AP1G1: variants seen among roughly 807,000 people sequenced by gnomAD.
The protein encoded by AP1G1 is AP-1 complex subunit gamma-1.
In AP1G1, 7 loss-of-function variants were observed where a neutral mutation model predicts 108.3. The ratio of observed to expected loss-of-function variants is 0.06; its 90% CI spans 0.04 to 0.12. The LOEUF (loss-of-function observed/expected upper bound fraction) is 0.12. Ranked by LOEUF, AP1G1 falls within the 10% of genes least tolerant of loss-of-function variation. The probability of loss-of-function intolerance (pLI) is 1.00; values close to 1 mark genes in which losing one functional copy is unlikely to be tolerated. For missense variants in AP1G1, 756 were observed against 1,010.7 expected (o/e 0.75, Z 3.42); for synonymous variants, 379 against 353.5 (o/e 1.07, Z -0.81).
chr16:71,800,691 C>T (rs2032764276), intron 1 of AP1G1, among the ~76,000 whole-genome samples: 2 of 152,016 alleles, frequency 1.3e-5, no homozygotes, highest in African/African-American at 2.4e-5. Flanking sequence ...GTCCCAGCTA[C>T]TCGGGAGGCT....
intron 17 of AP1G1, 54 bp from the exon 18 acceptor site, chr16:71,745,668 C>T: frequency 6.8e-7 from 1 of 1,462,878 alleles, no homozygotes; most frequent in South Asian, 1.1e-5. Context: ...ATTCCCTACC[C>T]AAAATAATCA....
rs530311104 is a variant in AP1G1 at position 71,732,970 on chromosome 16, A to G, written c.*88T>C. The G allele has an allele frequency of 9.9e-7, 1 of 1,010,036 alleles. No individual in the cohort carries two copies. Among genetic ancestry groups the G allele is most frequent in the Admixed American group, 2.1e-5 (1 of 47,034 alleles). The allele number at this position is 1,010,036 out of a possible 1,614,324, so 62.6% of individuals were successfully genotyped here. A position where few individuals can be genotyped will look rare whatever the true frequency, so the allele number is the denominator to read the frequency against. On this transcript the variant is annotated 3_prime_UTR_variant, in exon 23 of 23. Transcript: ENST00000299980. ...CTTCAGCTCCTCATGCCCGTGGTACAGTTGGGGGGGACTTGCCAGCAATCA... is the reference window on the plus strand; with the variant it reads ...CTTCAGCTCCTCATGCCCGTGGTACGGTTGGGGGGGACTTGCCAGCAATCA...
chr16:71,750,477 C>T (rs564011332), intron 13 of AP1G1, 145 bp from the exon 14 acceptor site: 71 of 925,882 alleles, frequency 7.7e-5, no homozygotes, highest in Non-Finnish European at 1.0e-4. Context: ...TGCGATAGCG[C>T]GATCTTGGCT....
intron 6 of AP1G1, among the ~76,000 whole-genome samples, chr16:71,768,500 C>CAAAAAAAAAAAAAAAA (rs527404594): frequency 4.8e-5 from 4 of 83,714 alleles, no homozygotes; most frequent in Admixed American, 1.8e-4. Context: ...GACTCCGCCA[C>CAAAAAAAAAAAAAAAA]AAAAAAAAAA....
rs2030125385 is a variant in AP1G1 at position 71,745,490 on chromosome 16, G to A, written c.1855C>T (p.Pro619Ser). The A allele has an allele frequency of 6.2e-7, 1 of 1,614,070 alleles. No homozygotes were observed. The highest frequency in any genetic ancestry group is 1.3e-5 in the African/African-American group (1 of 74,922). ...PLETKPPPSG[P>S]QPTSQANDLL... ...CTGGCTACCTGGCTGGTGGGCTGTGGCCCAGAGGGTGGCGGTTTGGTCTCT... is the reference window on the plus strand; with the variant it reads ...CTGGCTACCTGGCTGGTGGGCTGTGACCCAGAGGGTGGCGGTTTGGTCTCT... Residue 619 changes from proline to serine, a missense_variant, in exon 18 of 23, where the codon CCA becomes TCA. Pro to Ser is a moderately conservative substitution (Grantham distance 74). Transcript: ENST00000299980.
At chr16:71,758,684 T>A in intron 11 of AP1G1, 124 bp downstream of exon 11, 1 of 635,220 alleles carries the variant, frequency 1.6e-6, no homozygotes, top group Non-Finnish European at 2.8e-6. Context: ...AATGACTAAA[T>A]ACATAAATGT....
chr16:71,764,866 C>G (rs982017318), intron 7 of AP1G1, 140 bp from the exon 8 acceptor site: 2 of 606,650 alleles, frequency 3.3e-6, no homozygotes, highest in African/African-American at 3.7e-5. Flanking sequence ...AGTCAAAAAT[C>G]AAACAGAAGA....
intron 6 of AP1G1, chr16:71,766,502 T>C (rs560429146): frequency 6.7e-6 from 3 of 449,286 alleles, no homozygotes; most frequent in African/African-American, 4.1e-5. Context: ...AGGAACTTTT[T>C]ATGTTTCCAA....
chr16:71,769,021 A>C (rs1408966099), intron 6 of AP1G1, among the ~76,000 whole-genome samples: 1 of 134,780 alleles, frequency 7.4e-6, no homozygotes, highest in Non-Finnish European at 1.6e-5. Context: ...AGTGGCTCAC[A>C]CCTGTAATCC....
At chr16:71,760,620 C>T (rs113564930) in intron 10 of AP1G1, among the ~76,000 whole-genome samples, 123 of 152,084 alleles carry the variant, frequency 8.1e-4, no homozygotes, top group African/African-American at 2.9e-3. Context: ...TCACAGCTCA[C>T]TGCAGCTTTA....
At chr16:71,775,483 CA>C (rs2031749288) in intron 2 of AP1G1, among the ~76,000 whole-genome samples, 1 of 152,098 alleles carries the variant, frequency 6.6e-6, no homozygotes, top group Non-Finnish European at 1.5e-5. Context: ...CAGATTCACA[CA>C]AACACAAACT....
intron 1 of AP1G1, among the ~76,000 whole-genome samples, chr16:71,801,846 C>T (rs574960552): frequency 6.7e-6 from 1 of 148,742 alleles, no homozygotes; most frequent in Admixed American, 6.8e-5. Flanking sequence ...GGCATGAACC[C>T]GGGAGGCGGA....
rs574008147 is a variant in AP1G1, at chr16:71,748,345, T to G, written c.1531A>C (p.Ser511Arg). The G allele has an allele frequency of 6.2e-7, 1 of 1,613,560 alleles. No individual in the cohort carries two copies. The highest frequency in any genetic ancestry group is 1.7e-5 in the Admixed American group (1 of 59,810). ...GTGGACATATTAGAGATTAGGACACTTTCTAAAATATCCAACACTTCATCC... is the reference window on the plus strand; with the variant it reads ...GTGGACATATTAGAGATTAGGACACGTTCTAAAATATCCAACACTTCATCC... Reference protein sequence around the residue: ...TEDEVLDILESVLISNMSTSV... With the variant: ...TEDEVLDILERVLISNMSTSV... Residue 511 changes from serine (S) to arginine (R), a missense_variant, in exon 16 of 23, where the codon AGT becomes CGT. Ser to Arg is a moderately radical substitution (Grantham distance 110). Around this residue, in one of 3 missense-constraint regions of AP1G1, gnomAD observed 357 missense variants for 366.5 expected, o/e 0.97. Coordinates refer to ENST00000299980, the MANE Select transcript of AP1G1 (RefSeq NM_001128.6).
chr16:71,739,372 C>T, intron 19 of AP1G1, 31 bp from the exon 20 acceptor site: 1 of 1,510,832 alleles, frequency 6.6e-7, no homozygotes, highest in Non-Finnish European at 8.9e-7. Flanking sequence ...GAAAGTTAAC[C>T]TTAGGCAGCA....
At chr16:71,761,816 CAAAAAAAAA>C (rs375647068) in intron 9 of AP1G1, among the ~76,000 whole-genome samples, 11 of 44,852 alleles carry the variant, frequency 2.5e-4, no homozygotes, top group East Asian at 4.7e-4. Flanking sequence ...GACTCCATCT[CAAAAAAAAA>C]AAAAAAAAAA....
At chr16:71,795,583 T>C (rs2032556663) in intron 1 of AP1G1, among the ~76,000 whole-genome samples, 1 of 152,374 alleles carries the variant, frequency 6.6e-6, no homozygotes, top group East Asian at 1.9e-4. Flanking sequence ...ACAGAACCCC[T>C]ATTTCAGATT....
chr16:71,774,603 AG>A lies in AP1G1; in HGVS notation c.202-12del. 8.4e-6 allele frequency: 13 copies of A among 1,555,074 alleles called. No individual in the cohort carries two copies. Among genetic ancestry groups the A allele is most frequent in the Admixed American group, 2.3e-5 (1 of 44,252 alleles). ...CTTGAGGCACTCCAACTGCAAAAAA[AG>A]AAAAAAAAAAAGAAGGAAATTAAAA... On this transcript the variant is annotated splice_polypyrimidine_tract_variant and intron_variant, in intron 2 of 22. Transcript: ENST00000299980.
chr16:71,769,351 A>T (rs2031477359), intron 6 of AP1G1, among the ~76,000 whole-genome samples: 1 of 152,194 alleles, frequency 6.6e-6, no homozygotes, highest in African/African-American at 2.4e-5. Flanking sequence ...TCTTGACTCA[A>T]ATGTGAAAAC....
intron 19 of AP1G1, among the ~76,000 whole-genome samples, chr16:71,744,520 A>AAAAGC (rs2030058487): frequency 1.3e-5 from 2 of 152,188 alleles, no homozygotes; most frequent in East Asian, 3.9e-4. Flanking sequence ...TTGGGACACT[A>AAAAGC]AAAGCAAAGG....
Sources: gnomAD v4.1 joint callset for allele counts (sites outside exome capture counted in the v4.1 genomes callset) on GRCh38, gnomAD v4.1.1 for gene constraint, gnomAD v4.1.1 regional missense constraint, MANE v1.5 for transcripts, NCBI Gene and HGNC (gene_info 2026-07-23, HGNC 2026-07-21) for gene names.